Variants in RPF2 observed in about 807,000 individuals in gnomAD.
The protein encoded by RPF2 is ribosome production factor 2 homolog.
Under a neutral mutation model 38.9 loss-of-function variants are expected in RPF2, and 21 were observed. That is an observed-to-expected ratio of 0.54 (90% CI 0.38 to 0.78). RPF2 has a LOEUF of 0.78. Ranked by LOEUF, RPF2 falls within the 30% of genes least tolerant of loss-of-function variation. The probability of loss-of-function intolerance (pLI) is 0.00; values close to 1 mark genes in which losing one functional copy is unlikely to be tolerated. For missense variants in RPF2, 314 were observed against 358.1 expected (o/e 0.88, Z 0.99); for synonymous variants, 121 against 126.2 (o/e 0.96, Z 0.28).
At chr6:110,983,897 C>T (rs541398656) in intron 1 of RPF2, among the ~76,000 whole-genome samples, 3 of 151,982 alleles carry the variant, frequency 2.0e-5, no homozygotes, top group Non-Finnish European at 2.9e-5. Flanking sequence ...GGCGTCGTGG[C>T]GGGCGCCTGT....
At chr6:110,995,236 T>A (rs977574249) in intron 4 of RPF2, among the ~76,000 whole-genome samples, 1 of 152,180 alleles carries the variant, frequency 6.6e-6, no homozygotes, top group Admixed American at 6.6e-5. Context: ...CCCACTTTGT[T>A]CAGGACATTG....
In RPF2 at chr6:110,997,204, G is replaced by T. The variant is rs1468534615; in HGVS notation, c.256G>T (p.Asp86Tyr). 1 of 1,598,054 alleles carries T rather than the reference G, an allele frequency of 6.3e-7. No homozygotes were observed. The highest frequency in any genetic ancestry group is 8.6e-7 in the Non-Finnish European group (1 of 1,167,078). Residue 86 changes from aspartate (D) to tyrosine (Y), a missense_variant, in exon 5 of 10, where the codon GAT (aspartate) becomes TAT (tyrosine). Asp to Tyr is a radical substitution (Grantham distance 160, BLOSUM62 -3). Transcript: ENST00000441448. ...ATAGGAATTCTTTTCAAAGAAGTCA[G>T]ATTGTTCTTTATTCATGTTTGGCTC... ...TSLEFFSKKS[D>Y]CSLFMFGSHN...
At chr6:111,014,665 C>G (rs1257471023) in intron 7 of RPF2, among the ~76,000 whole-genome samples, 1 of 152,206 alleles carries the variant, frequency 6.6e-6, no homozygotes, top group Admixed American at 6.5e-5. Context: ...TTTATCTTAG[C>G]CAAATGTTAT....
chr6:111,026,716 T>C lies in RPF2; in HGVS notation c.*1134T>C, dbSNP rs909749686. ...CTTGTGCCTAGGAAAACAGAAGCTT[T>C]CTTCTTCCTTCTACTAGTATTGCAT... On this transcript the variant is annotated 3_prime_UTR_variant, in exon 10 of 10. Transcript: ENST00000441448. 1 of 152,212 alleles carries C rather than the reference T, an allele frequency of 6.6e-6. No homozygotes were observed. The highest frequency in any genetic ancestry group is 1.5e-5 in the Non-Finnish European group (1 of 68,044). 9.4% of individuals were successfully genotyped at this position (152,212 alleles called of 1,614,324 possible). A position where few individuals can be genotyped will look rare whatever the true frequency, so the allele number is the denominator to read the frequency against.
Position 111,017,546 on chromosome 6 carries a change from G to A in RPF2, c.596+1690G>A, listed in dbSNP as rs1424901695. Among the ~76,000 whole-genome samples the A allele has an allele frequency of 1.4e-3, 212 of 151,050 alleles. 1 individual carries two copies. The highest frequency in any genetic ancestry group is 5.0e-3 in the African/African-American group (205 of 41,068). ...TCCTCACTTCTTAGACGGGGCGGCC[G>A]GGCAGAGACGCTCCTCACCTCCCAG... On this transcript the variant is annotated intron_variant, in intron 8 of 9. Coordinates refer to ENST00000441448, the MANE Select transcript of RPF2 (RefSeq NM_032194.3).
At chr6:110,990,568 C>CTG (rs1771602341) in intron 3 of RPF2, among the ~76,000 whole-genome samples, 1 of 134,326 alleles carries the variant, frequency 7.4e-6, no homozygotes, top group South Asian at 2.8e-4. Context: ...AACCCCCCCC[C>CTG]CCCCCACCTT....
At chr6:111,017,956 A>G (rs1283988163) in intron 8 of RPF2, among the ~76,000 whole-genome samples, 5 of 152,126 alleles carry the variant, frequency 3.3e-5, no homozygotes, top group Admixed American at 3.3e-4. Context: ...TCCGTCTGCA[A>G]TCCCGGCACC....
intron 2 of RPF2, 67 bp downstream of exon 2, chr6:110,985,205 G>C: frequency 7.3e-7 from 1 of 1,362,128 alleles, no homozygotes; most frequent in East Asian, 2.4e-5. Flanking sequence ...ATGCTAGGAT[G>C]GGCTGTCGGA....
chr6:110,995,662 G>C (rs1187867435), intron 4 of RPF2, among the ~76,000 whole-genome samples: 1 of 152,122 alleles, frequency 6.6e-6, no homozygotes, highest in Non-Finnish European at 1.5e-5. Context: ...GGTGATCTCA[G>C]TAAACTGAAT....
At chr6:111,023,542 AATT>A (rs1772268957) in intron 8 of RPF2, among the ~76,000 whole-genome samples, 1 of 152,188 alleles carries the variant, frequency 6.6e-6, no homozygotes, top group Non-Finnish European at 1.5e-5. Flanking sequence ...TTCTGAGAAT[AATT>A]TTGTATCTCA....
At chr6:110,986,648 T>TTGAA (rs1771530237) in intron 2 of RPF2, among the ~76,000 whole-genome samples, 3 of 152,126 alleles carry the variant, frequency 2.0e-5, no homozygotes, top group Non-Finnish European at 4.4e-5. Flanking sequence ...ATATATGTAA[T>TTGAA]CTATGAAAGA....
intron 3 of RPF2, among the ~76,000 whole-genome samples, chr6:110,991,436 G>T (rs1583260040): frequency 1.4e-5 from 2 of 142,474 alleles, no homozygotes; most frequent in African/African-American, 2.6e-5. Flanking sequence ...TTTGTCTATT[G>T]AATACTGTCA....
rs571251181 is a variant in RPF2, at chr6:111,023,645, TTTTAA to T, written c.597-534_597-530del. On this transcript the variant is annotated intron_variant, in intron 8 of 9. Coordinates refer to ENST00000441448, the MANE Select transcript of RPF2 (RefSeq NM_032194.3). ...TTGACCTCAAAGAGAAAAAAAAAAT[TTTTAA>T]TTTGATATTTGTGTGACCCTTTAGC... 3.7e-3 allele frequency among the ~76,000 whole-genome samples: 557 copies of T among 152,160 alleles called. 3 individuals carry two copies. The highest frequency in any genetic ancestry group is 6.5e-3 in the Non-Finnish European group (440 of 68,002).
chr6:110,989,295 G>A (rs1771577557), intron 3 of RPF2, among the ~76,000 whole-genome samples: 1 of 151,972 alleles, frequency 6.6e-6, no homozygotes, highest in Non-Finnish European at 1.5e-5. Flanking sequence ...CAGATTTACA[G>A]AAAAGTGCAA....
chr6:111,012,791 T>A (rs1772042609), intron 7 of RPF2, among the ~76,000 whole-genome samples: 1 of 152,152 alleles, frequency 6.6e-6, no homozygotes, highest in African/African-American at 2.4e-5. Context: ...TGCCCCAGCC[T>A]CCTGAGTAGC....
rs771590712 is a variant in RPF2 at position 110,999,697 on chromosome 6, C to G, written c.317-14C>G. 1 of 1,561,278 alleles carries G rather than the reference C, an allele frequency of 6.4e-7. No homozygotes were observed. The highest frequency in any genetic ancestry group is 1.1e-5 in the South Asian group (1 of 89,832). On this transcript the variant is annotated splice_polypyrimidine_tract_variant and intron_variant, in intron 5 of 9. Transcript: ENST00000441448. Reference sequence around the variant, plus strand: ...TGGGAAAAATACATGCTTAAAAATACATTTTCCTTCCAGGTCGTATGTATG... The same window carrying G: ...TGGGAAAAATACATGCTTAAAAATAGATTTTCCTTCCAGGTCGTATGTATG...
chr6:111,007,301 T>G (rs1293704965), intron 6 of RPF2, among the ~76,000 whole-genome samples: 1 of 152,260 alleles, frequency 6.6e-6, no homozygotes, highest in Non-Finnish European at 1.5e-5. Context: ...TAACTTTTAA[T>G]TTTATTCTTT....
intron 5 of RPF2, 39 bp from the exon 6 acceptor site, chr6:110,999,672 T>C (rs376137084): frequency 7.3e-7 from 1 of 1,378,218 alleles, no homozygotes; most frequent in Non-Finnish European, 1.0e-6. Context: ...GGTGGCTCTT[T>C]GGGAAAAATA....
intron 3 of RPF2, among the ~76,000 whole-genome samples, chr6:110,991,428 T>G (rs1729943643): frequency 6.6e-6 from 1 of 151,696 alleles, no homozygotes; most frequent in South Asian, 2.1e-4. Flanking sequence ...ACACTTTCTT[T>G]GTCTATTGAA....
Sources: gnomAD v4.1 joint callset for allele counts (sites outside exome capture counted in the v4.1 genomes callset) on GRCh38, gnomAD v4.1.1 for gene constraint, MANE v1.5 for transcripts, NCBI Gene and HGNC (gene_info 2026-07-23, HGNC 2026-07-21) for gene names.